The following STT3B variants were observed in gnomAD, a reference collection of about 807,000 sequenced individuals.
The protein encoded by STT3B is dolichyl-diphosphooligosaccharide--protein glycosyltransferase subunit STT3B.
A neutral mutation model predicts 96.8 loss-of-function variants in STT3B; 29 were observed. The ratio of observed to expected loss-of-function variants is 0.30; its 90% CI spans 0.22 to 0.41. The LOEUF (loss-of-function observed/expected upper bound fraction) is 0.41, where lower values mean the gene tolerates loss of function less well. Ranked by LOEUF, STT3B falls within the 10% of genes least tolerant of loss-of-function variation. STT3B has a pLI of 1.00. For synonymous variants in STT3B, 367 were observed against 360.0 expected (o/e 1.02, Z -0.22); for missense variants, 640 against 1,022.3 (o/e 0.63, Z 5.10).
chr3:31,633,201 G>T, intron 15 of STT3B, 54 bp downstream of exon 15: 1 of 1,485,650 alleles, frequency 6.7e-7, no homozygotes, highest in South Asian at 1.3e-5. Flanking sequence ...TGGTTTGTAT[G>T]AAAAAGAATT....
At chr3:31,545,813 G>GT (rs1559359366) in intron 1 of STT3B, among the ~76,000 whole-genome samples, 77 of 131,930 alleles carry the variant, frequency 5.8e-4, no homozygotes, top group African/African-American at 2.4e-3. Context: ...CATTAGGAGT[G>GT]GTTTTTTTTT....
chr3:31,538,645 A>C (rs1451249015), intron 1 of STT3B, among the ~76,000 whole-genome samples: 1 of 152,162 alleles, frequency 6.6e-6, no homozygotes, highest in Non-Finnish European at 1.5e-5. Context: ...TGCAACAGTG[A>C]CTTCTGTAAA....
chr3:31,632,670 T>C (rs10540469), intron 14 of STT3B, among the ~76,000 whole-genome samples: 1 of 50,642 alleles, frequency 2.0e-5, no homozygotes, highest in South Asian at 6.7e-4. Context: ...TTTTGGTGGG[T>C]TTTTTTTTTT....
intron 1 of STT3B, among the ~76,000 whole-genome samples, chr3:31,568,958 C>A (rs947587135): frequency 1.3e-5 from 2 of 152,098 alleles, no homozygotes; most frequent in African/African-American, 2.4e-5. Context: ...ATACACCTAC[C>A]AGCTCATAAA....
intron 4 of STT3B, among the ~76,000 whole-genome samples, chr3:31,598,273 C>T (rs563114869): frequency 6.6e-6 from 1 of 152,256 alleles, no homozygotes; most frequent in Admixed American, 6.5e-5. Flanking sequence ...TTTTACTTAA[C>T]ACTCAATTTT....
chr3:31,625,709 T>C (rs546796480), intron 12 of STT3B, among the ~76,000 whole-genome samples: 1 of 152,358 alleles, frequency 6.6e-6, no homozygotes, highest in South Asian at 2.1e-4. Context: ...GTTAATGTTA[T>C]AGAACTTAAT....
chr3:31,587,002 G>A (rs1423212165), intron 3 of STT3B, among the ~76,000 whole-genome samples: 1 of 151,882 alleles, frequency 6.6e-6, no homozygotes, highest in East Asian at 1.9e-4. Flanking sequence ...TGTGAATATG[G>A]TATTTCTTTC....
intron 1 of STT3B, among the ~76,000 whole-genome samples, chr3:31,538,310 A>T (rs955212733): frequency 6.6e-6 from 1 of 152,192 alleles, no homozygotes; most frequent in Admixed American, 6.5e-5. Context: ...TTATTTGAAC[A>T]TATGTATATA....
In STT3B at chr3:31,636,143, AC is replaced by A; in HGVS notation, c.*80del. 1 of 1,144,012 alleles carries A rather than the reference AC, an allele frequency of 8.7e-7. No homozygotes were observed. Among genetic ancestry groups the A allele is most frequent in the East Asian group, 2.5e-5 (1 of 40,136 alleles). The allele number at this position is 1,144,012 out of a possible 1,614,324, so 70.9% of individuals were successfully genotyped here. On this transcript the variant is annotated 3_prime_UTR_variant, in exon 16 of 16. Coordinates refer to ENST00000295770, the MANE Select transcript of STT3B (RefSeq NM_178862.3). The stretch of plus-strand genomic sequence containing the variant: ...TTGCCTTTAGCTCATGTCGTGTTTC[AC>A]AGCAAAGAGGGTACAGAACCATCAC...
At chr3:31,571,838 A>G (rs2044788795) in intron 1 of STT3B, among the ~76,000 whole-genome samples, 1 of 151,118 alleles carries the variant, frequency 6.6e-6, no homozygotes. Context: ...TAATCAGACT[A>G]TGCTTTGTTT....
At chr3:31,632,799 T>C (rs1405167722) in intron 14 of STT3B, 136 bp from the exon 15 acceptor site, 1 of 749,204 alleles carries the variant, frequency 1.3e-6, no homozygotes, top group African/African-American at 1.8e-5. Flanking sequence ...ATGAGAACTA[T>C]TAAGGTAGAT....
rs146053100 is a variant in STT3B at position 31,593,953 on chromosome 3, A to G, written c.712-2845A>G. 1.5e-3 allele frequency among the ~76,000 whole-genome samples: 225 copies of G among 152,110 alleles called. 2 individuals are homozygous for G. The highest frequency in any genetic ancestry group is 5.2e-3 in the African/African-American group (217 of 41,476). On this transcript the variant is annotated intron_variant, in intron 3 of 15. Transcript: ENST00000295770. Reference sequence around the variant, plus strand: ...CTATACCTGTCCAAATTTGGGTCACACTTTCTTGTTTCTTTGCATGTCTTA... The same window carrying G: ...CTATACCTGTCCAAATTTGGGTCACGCTTTCTTGTTTCTTTGCATGTCTTA...
At chr3:31,564,312 A>G (rs1352504366) in intron 1 of STT3B, among the ~76,000 whole-genome samples, 1 of 152,206 alleles carries the variant, frequency 6.6e-6, no homozygotes, top group Non-Finnish European at 1.5e-5. Flanking sequence ...ATATTTTATT[A>G]ACTTTACTAT....
rs571779959 is a variant in STT3B at position 31,562,864 on chromosome 3, G to A, written c.315-13532G>A. ...CACCATGTTGTAGCTGCTTAGGTTC[G>A]AGTGATTCGTGGGATCCAGCATGAG... On this transcript the variant is annotated intron_variant, in intron 1 of 15. Coordinates refer to ENST00000295770, the MANE Select transcript of STT3B (RefSeq NM_178862.3). 3.3e-5 allele frequency among the ~76,000 whole-genome samples: 5 copies of A among 152,278 alleles called. No homozygotes were observed. The East Asian group carries it at 9.7e-4, about 29-fold the overall frequency.
At chr3:31,616,098 C>T (rs968863506) in intron 6 of STT3B, among the ~76,000 whole-genome samples, 2 of 151,736 alleles carry the variant, frequency 1.3e-5, no homozygotes, top group Non-Finnish European at 3.0e-5. Context: ...TTTAAAAAGG[C>T]AGGGAAACTG....
chr3:31,614,355 T>A (rs1699255846), intron 5 of STT3B, among the ~76,000 whole-genome samples: 1 of 151,992 alleles, frequency 6.6e-6, no homozygotes, highest in Non-Finnish European at 1.5e-5. Flanking sequence ...TCTAATCAAT[T>A]GCGTAACAGT....
At chr3:31,569,778 C>T (rs990015195) in intron 1 of STT3B, among the ~76,000 whole-genome samples, 6 of 151,930 alleles carry the variant, frequency 3.9e-5, no homozygotes, top group South Asian at 2.1e-4. Context: ...GTTCACCTAG[C>T]TTTATTGGGG....
chr3:31,631,062 G>A (rs1157136933), intron 14 of STT3B, among the ~76,000 whole-genome samples: 1 of 152,168 alleles, frequency 6.6e-6, no homozygotes, highest in Non-Finnish European at 1.5e-5. Context: ...CAAAGTGCTG[G>A]GATTACAGGC....
intron 1 of STT3B, among the ~76,000 whole-genome samples, chr3:31,549,191 T>C (rs982701074): frequency 4.6e-5 from 7 of 152,168 alleles, no homozygotes; most frequent in Non-Finnish European, 8.8e-5. Flanking sequence ...CTTCAGTGTT[T>C]TAAATCTTTT....
Sources: allele counts gnomAD v4.1 joint callset (sites outside exome capture counted in the v4.1 genomes callset), GRCh38; gene constraint gnomAD v4.1.1; transcripts MANE v1.5; gene names NCBI Gene and HGNC (gene_info 2026-07-23, HGNC 2026-07-21).